Variants in RBMS3 observed in about 807,000 individuals in gnomAD.
RBMS3 encodes the protein RNA binding motif single stranded interacting protein 3.
A neutral mutation model predicts 66.8 loss-of-function variants in RBMS3; 27 were observed. The observed-to-expected ratio is 0.40, with a 90% CI of 0.30 to 0.56. The LOEUF is 0.56. RBMS3 is among the 20% of genes least tolerant of loss of function. The probability of loss-of-function intolerance (pLI) is 0.40; values close to 1 mark genes in which losing one functional copy is unlikely to be tolerated. For synonymous variants in RBMS3, 188 were observed against 183.0 expected, an observed-to-expected ratio of 1.03 and a Z score of -0.22; for missense variants, 513 against 549.5, an observed-to-expected ratio of 0.93 and a Z score of 0.66.
At chr3:29,994,990 A>T (rs982613333) in intron 14 of RBMS3, among the ~76,000 whole-genome samples, 10 of 152,222 alleles carry the variant, frequency 6.6e-5, no homozygotes, top group African/African-American at 2.2e-4. Context: ...ATGGGAGGAC[A>T]TTCAAACCAA....
intron 1 of RBMS3, among the ~76,000 whole-genome samples, chr3:29,295,297 ATATATATC>A (rs1446209338): frequency 1.5e-3 from 5 of 3,414 alleles, no homozygotes; most frequent in South Asian, 0.014. Flanking sequence ...ATATATATAC[ATATATATC>A]TATATATATA....
rs150883833 is a variant in RBMS3, at chr3:29,347,874, C to T, written c.75+66118C>T. 1.2e-3 allele frequency among the ~76,000 whole-genome samples: 182 copies of T among 152,244 alleles called. 1 individual carries two copies. The highest frequency in any genetic ancestry group is 4.2e-3 in the African/African-American group (176 of 41,530). On this transcript the variant is annotated intron_variant, in intron 1 of 14. Coordinates refer to ENST00000383767, the MANE Select transcript of RBMS3 (RefSeq NM_001003793.3). ...ACTGAAACATTCCGGATGATAAGGG[C>T]CTTAAAGCTTAGGTTTATGATCATA...
intron 2 of RBMS3, among the ~76,000 whole-genome samples, chr3:29,446,311 T>G (rs1331103598): frequency 1.4e-5 from 2 of 146,160 alleles, no homozygotes; most frequent in African/African-American, 4.9e-5. Flanking sequence ...TTTATTGTAA[T>G]TCATATTTTT....
intron 6 of RBMS3, among the ~76,000 whole-genome samples, chr3:29,804,493 T>A (rs2057482532): frequency 6.6e-6 from 1 of 152,036 alleles, no homozygotes; most frequent in African/African-American, 2.4e-5. Flanking sequence ...TTAAGATGGA[T>A]AACAGAGGCT....
At chr3:29,995,982 CAA>C (rs1320753412) in intron 14 of RBMS3, among the ~76,000 whole-genome samples, 1 of 152,046 alleles carries the variant, frequency 6.6e-6, no homozygotes, top group African/African-American at 2.4e-5. Context: ...CAAATTGGAT[CAA>C]GAGTCAAGAC....
intron 4 of RBMS3, among the ~76,000 whole-genome samples, chr3:29,663,239 AAGAG>A (rs200521167): frequency 0.023 from 3,459 of 150,584 alleles, 51 homozygotes; most frequent in Admixed American, 0.033. Context: ...CATTTCCTGA[AAGAG>A]AGAGAGAGAC....
rs528274908 is a variant in RBMS3 at position 29,314,632 on chromosome 3, G to A, written c.75+32876G>A. On this transcript the variant is annotated intron_variant, in intron 1 of 14. Transcript: ENST00000383767. Reference sequence around the variant, plus strand: ...CAGCATTACATCCTGTTTTTATCTCGGGTGCACAGGGGTGGAGGGAACCAG... The same window carrying A: ...CAGCATTACATCCTGTTTTTATCTCAGGTGCACAGGGGTGGAGGGAACCAG... Among the ~76,000 whole-genome samples, 163 of 151,534 alleles carry A rather than the reference G, an allele frequency of 1.1e-3. 1 individual carries two copies. The highest frequency in any genetic ancestry group is 3.8e-3 in the African/African-American group (157 of 41,368).
intron 3 of RBMS3, among the ~76,000 whole-genome samples, chr3:29,534,596 G>A (rs34999548): frequency 0.046 from 6,986 of 152,244 alleles, 207 homozygotes; most frequent in South Asian, 0.1. Context: ...TTAGCATTAA[G>A]ATATTTAAGA....
At chr3:29,652,647 A>T (rs2050186657) in intron 4 of RBMS3, among the ~76,000 whole-genome samples, 1 of 152,150 alleles carries the variant, frequency 6.6e-6, no homozygotes, top group African/African-American at 2.4e-5. Context: ...CCATGCAAAA[A>T]AATAAAAATA....
At chr3:29,553,436 G>A (rs1453034750) in intron 3 of RBMS3, among the ~76,000 whole-genome samples, 1 of 152,144 alleles carries the variant, frequency 6.6e-6, no homozygotes, top group Non-Finnish European at 1.5e-5. Context: ...TCTTAAGGTT[G>A]TCCCAGTTTA....
At chr3:29,725,814 A>G (rs970601349) in intron 4 of RBMS3, among the ~76,000 whole-genome samples, 8 of 152,346 alleles carry the variant, frequency 5.3e-5, no homozygotes, top group Non-Finnish European at 2.9e-5. Flanking sequence ...TTCAGAAACT[A>G]TTCCAAACAA....
chr3:29,791,748 T>C (rs1411944067), intron 6 of RBMS3, among the ~76,000 whole-genome samples: 1 of 152,184 alleles, frequency 6.6e-6, no homozygotes. Flanking sequence ...CAGCGTTCAC[T>C]AAAAGCTAGT....
chr3:29,499,987 A>G (rs2043904118), intron 3 of RBMS3, among the ~76,000 whole-genome samples: 1 of 152,146 alleles, frequency 6.6e-6, no homozygotes, highest in Non-Finnish European at 1.5e-5. Context: ...TATAAAGCAC[A>G]TTGGAATTTA....
chr3:29,578,826 G>A (rs1028392810), intron 3 of RBMS3, among the ~76,000 whole-genome samples: 6 of 89,464 alleles, frequency 6.7e-5, no homozygotes, highest in Admixed American at 5.4e-4. Flanking sequence ...ACGGAGTCTC[G>A]CTCTGTCGCC....
At position 29,921,771 on chromosome 3, in the gene RBMS3, C is replaced by T. The variant is rs1435382682; in HGVS notation, c.940-14315C>T. On this transcript the variant is annotated intron_variant, in intron 10 of 14. Transcript: ENST00000383767. ...TTGATTACTAAGATAACAATTGAGC[C>T]ATGTTTTTAGATGCAATCCGGTGTG... 7.2e-5 allele frequency among the ~76,000 whole-genome samples: 11 copies of T among 152,244 alleles called. No individual in the cohort carries two copies. The East Asian group carries it at 1.9e-3, about 27-fold the overall frequency.
chr3:29,514,687 C>T (rs968644809), intron 3 of RBMS3, among the ~76,000 whole-genome samples: 75 of 89,954 alleles, frequency 8.3e-4, no homozygotes, highest in African/African-American at 9.3e-4. Flanking sequence ...ATATGATAGG[C>T]ATACATATAT....
chr3:29,435,153 T>C lies in RBMS3; in HGVS notation c.248+238T>C, dbSNP rs1053002446. On this transcript the variant is annotated intron_variant, in intron 2 of 14. Coordinates refer to ENST00000383767, the MANE Select transcript of RBMS3 (RefSeq NM_001003793.3). Reference sequence around the variant, plus strand: ...CATATACATGGAAATGCTGGCTGATTCATAGATATATGACCTGCAAGATGA... The same window carrying C: ...CATATACATGGAAATGCTGGCTGATCCATAGATATATGACCTGCAAGATGA... 4.3e-5 allele frequency: 21 copies of C among 493,712 alleles called. No homozygotes were observed. In the South Asian group the frequency reaches 7.1e-4, roughly 17 times the overall value. The allele number at this position is 493,712 out of a possible 1,614,324, so 30.6% of individuals were successfully genotyped here.
At chr3:29,790,095 C>G (rs973788530) in intron 6 of RBMS3, among the ~76,000 whole-genome samples, 33 of 152,070 alleles carry the variant, frequency 2.2e-4, no homozygotes, top group African/African-American at 7.2e-4. Context: ...CTGGAGATCC[C>G]TCTCCATTTT....
At chr3:29,969,281 T>A (rs1697069361) in intron 12 of RBMS3, among the ~76,000 whole-genome samples, 1 of 152,192 alleles carries the variant, frequency 6.6e-6, no homozygotes, top group Non-Finnish European at 1.5e-5. Flanking sequence ...TTTTAACTGA[T>A]TTCGTCTCTT....
Sources: allele counts gnomAD v4.1 joint callset (sites outside exome capture counted in the v4.1 genomes callset), GRCh38; gene constraint gnomAD v4.1.1; transcripts MANE v1.5; gene names NCBI Gene and HGNC (gene_info 2026-07-23, HGNC 2026-07-21).